CCSER1: variants seen among roughly 807,000 people sequenced by gnomAD.
CCSER1 encodes serine-rich coiled-coil domain-containing protein 1.
In CCSER1, 41 loss-of-function variants were observed where a neutral mutation model predicts 82.0. That is an observed-to-expected ratio of 0.50 (90% confidence interval 0.39 to 0.65). The LOEUF (loss-of-function observed/expected upper bound fraction) is 0.65, where lower values mean the gene tolerates loss of function less well. Among genes scored for constraint, CCSER1 ranks in the 30% least tolerant of loss-of-function variants. The pLI is 0.00. For missense variants in CCSER1, 1,119 were observed against 1,064.2 expected (o/e 1.05, Z -0.72); for synonymous variants, 414 against 383.9 (o/e 1.08, Z -0.92).
At chr4:90,171,845 A>G (rs1336400908) in intron 1 of CCSER1, among the ~76,000 whole-genome samples, 1 of 151,910 alleles carries the variant, frequency 6.6e-6, no homozygotes. Context: ...CTCTGTATAT[A>G]TTATTTGCTA....
rs749981929 is a variant in CCSER1 at position 90,400,036 on chromosome 4, G to T, written c.1510G>T (p.Asp504Tyr). 5 of 1,583,076 alleles carry T rather than the reference G, an allele frequency of 3.2e-6. No individual in the cohort carries two copies. Among genetic ancestry groups the T allele is most frequent in the Non-Finnish European group, 8.7e-7 (1 of 1,154,496 alleles). Residue 504 changes from aspartate (D) to tyrosine (Y), a missense_variant and splice_region_variant, in exon 4 of 11, where the codon GAT becomes TAT. By Grantham distance (160) the Asp-to-Tyr change is radical. Transcript: ENST00000509176. ...ATTGTTGGTTTTGATTTTTCTTCAG[G>T]ATGTTTTGAATAATTTGGGATCTTG... Reference protein sequence around the residue: ...GSSSSKMNSLDVLNNLGSCEL... With the variant: ...GSSSSKMNSLYVLNNLGSCEL...
At chr4:91,202,359 T>C (rs1181968755) in intron 10 of CCSER1, among the ~76,000 whole-genome samples, 1 of 151,990 alleles carries the variant, frequency 6.6e-6, no homozygotes, top group South Asian at 2.1e-4. Context: ...CACCTCCCTC[T>C]TTTAGTCCAC....
chr4:90,704,225 A>G (rs956648962), intron 6 of CCSER1, among the ~76,000 whole-genome samples: 1 of 152,076 alleles, frequency 6.6e-6, no homozygotes, highest in African/African-American at 2.4e-5. Context: ...TTTCTCCTTC[A>G]CTTATGAAGC....
intron 10 of CCSER1, among the ~76,000 whole-genome samples, chr4:91,299,985 A>G (rs1744542422): frequency 6.6e-6 from 1 of 151,958 alleles, no homozygotes; most frequent in Non-Finnish European, 1.5e-5. Context: ...AACATTGCCA[A>G]GTTAGCAGCT....
intron 1 of CCSER1, chr4:90,235,453 A>G (rs1255443246): frequency 6.6e-6 from 1 of 152,042 alleles, no homozygotes; most frequent in Non-Finnish European, 1.5e-5. Flanking sequence ...ATAGGCTCTT[A>G]TTTCATGCAA....
intron 10 of CCSER1, among the ~76,000 whole-genome samples, chr4:91,287,027 A>G (rs1743329245): frequency 6.6e-6 from 1 of 151,892 alleles, no homozygotes; most frequent in South Asian, 2.1e-4. Flanking sequence ...TGAAAATAAT[A>G]CTGCCTTGCT....
chr4:90,698,611 T>C (rs1327449751), intron 6 of CCSER1, among the ~76,000 whole-genome samples: 1 of 152,152 alleles, frequency 6.6e-6, no homozygotes, highest in African/African-American at 2.4e-5. Context: ...CCAACTATGG[T>C]CAATTTTAAA....
chr4:90,715,058 G>T (rs547042056), intron 6 of CCSER1, among the ~76,000 whole-genome samples: 1 of 152,038 alleles, frequency 6.6e-6, no homozygotes, highest in South Asian at 2.1e-4. Flanking sequence ...AGAGGATCCA[G>T]TTATTGCTTC....
At chr4:90,333,568 G>A (rs149912466) in intron 3 of CCSER1, among the ~76,000 whole-genome samples, 1 of 152,294 alleles carries the variant, frequency 6.6e-6, no homozygotes, top group East Asian at 1.9e-4. Context: ...TAATCAGACC[G>A]TGAAGTTACT....
intron 10 of CCSER1, among the ~76,000 whole-genome samples, chr4:91,464,863 T>G (rs1400857225): frequency 8.5e-5 from 13 of 152,254 alleles, no homozygotes; most frequent in Admixed American, 7.8e-4. Flanking sequence ...AGCAAGTCGT[T>G]AGAGACCTAC....
intron 5 of CCSER1, among the ~76,000 whole-genome samples, chr4:90,604,411 T>C (rs1222593568): frequency 6.6e-6 from 1 of 152,200 alleles, no homozygotes; most frequent in East Asian, 1.9e-4. Context: ...ATTTATTATC[T>C]GTGTTACTTT....
chr4:91,490,296 T>G (rs1758448686), intron 10 of CCSER1, among the ~76,000 whole-genome samples: 1 of 152,166 alleles, frequency 6.6e-6, no homozygotes, highest in Non-Finnish European at 1.5e-5. Context: ...CACTGTCATG[T>G]TTATTGCTGC....
At chr4:90,271,846 ATATATATATATATATATTT>A (rs1726424233) in intron 1 of CCSER1, among the ~76,000 whole-genome samples, 2 of 24,854 alleles carry the variant, frequency 8.0e-5, no homozygotes, top group African/African-American at 5.3e-4. Context: ...ATATATATAT[ATATATATATATATATATTT>A]TTTTTTTTTT....
At chr4:91,597,689 GCTCTTCT>G (rs1231558226) in intron 10 of CCSER1, among the ~76,000 whole-genome samples, 2 of 152,050 alleles carry the variant, frequency 1.3e-5, no homozygotes, top group Non-Finnish European at 2.9e-5. Context: ...TATCTATAGT[GCTCTTCT>G]CTCTTCTCCC....
At chr4:90,270,800 T>C (rs1319350284) in intron 1 of CCSER1, among the ~76,000 whole-genome samples, 1 of 152,096 alleles carries the variant, frequency 6.6e-6, no homozygotes, top group Admixed American at 6.6e-5. Context: ...AGTTGTAGGA[T>C]ACAAAATCAA....
rs560631696 is a variant in CCSER1 at position 90,510,288 on chromosome 4, A to G, written c.1724+41934A>G. Among the ~76,000 whole-genome samples the G allele has an allele frequency of 2.0e-4, 30 of 152,332 alleles. No individual in the cohort carries two copies. The East Asian group carries it at 3.3e-3, about 17-fold the overall frequency. On this transcript the variant is annotated intron_variant, in intron 5 of 10. Coordinates refer to ENST00000509176, the MANE Select transcript of CCSER1 (RefSeq NM_001145065.2). ...AGACTGAGATCAATAAAGGTATTAA[A>G]TGGTTTCTAAATAGCCAAAATACGC... is the stretch of plus-strand genomic sequence containing the variant.
Position 90,932,996 on chromosome 4 carries a change from G to GAAAGAAAGAAAGAAAGAA in CCSER1, c.2172+9551_2172+9568dup, listed in dbSNP as rs1290105100. Among the ~76,000 whole-genome samples the GAAAGAAAGAAAGAAAGAA allele has an allele frequency of 7.1e-5, 4 of 56,062 alleles. 2 individuals are homozygous for GAAAGAAAGAAAGAAAGAA. Among genetic ancestry groups the GAAAGAAAGAAAGAAAGAA allele is most frequent in the Non-Finnish European group, 1.3e-4 (4 of 31,504 alleles). 36.8% of individuals were successfully genotyped at this position (56,062 alleles called of 152,430 possible). On this transcript the variant is annotated intron_variant, in intron 9 of 10. Transcript: ENST00000509176. ...AAAGAAAGAAAGAGAAAGAAAGAAAGAAAGAAAGAAAGAAAGAAAGAAAGA... is the reference window on the plus strand; with the variant it reads ...AAAGAAAGAAAGAGAAAGAAAGAAAGAAAGAAAGAAAGAAAGAAAAAGAAAGAAAGAAAGAAAGAAAGA...
intron 10 of CCSER1, among the ~76,000 whole-genome samples, chr4:91,172,967 A>T (rs771390495): frequency 2.8e-4 from 42 of 152,222 alleles, no homozygotes; most frequent in Non-Finnish European, 4.3e-4. Flanking sequence ...TGCACTTTGC[A>T]TGTCATTAAT....
intron 10 of CCSER1, among the ~76,000 whole-genome samples, chr4:91,517,614 G>A (rs564286597): frequency 2.6e-5 from 4 of 151,954 alleles, no homozygotes; most frequent in East Asian, 1.9e-4. Context: ...TTAATTCTAC[G>A]TCTGTCATTT....
Sources: allele counts gnomAD v4.1 joint callset (sites outside exome capture counted in the v4.1 genomes callset), GRCh38; gene constraint gnomAD v4.1.1; transcripts MANE v1.5; gene names NCBI Gene and HGNC (gene_info 2026-07-23, HGNC 2026-07-21).